UGT8: variants seen among roughly 807,000 people sequenced by gnomAD.
UGT8 encodes 2-hydroxyacylsphingosine 1-beta-galactosyltransferase.
UGT8 carries 12 observed loss-of-function variants against 40.5 expected under a neutral mutation model. The observed-to-expected ratio is 0.30, with a 90% CI of 0.19 to 0.48. The LOEUF (loss-of-function observed/expected upper bound fraction) is 0.48. Ranked by LOEUF, UGT8 falls within the 20% of genes least tolerant of loss-of-function variation. UGT8 has a pLI of 0.99. For missense variants in UGT8, 513 were observed against 648.7 expected, an observed-to-expected ratio of 0.79 and a Z score of 2.27; for synonymous variants, 224 against 240.4, an observed-to-expected ratio of 0.93 and a Z score of 0.63.
intron 2 of UGT8, among the ~76,000 whole-genome samples, chr4:114,660,098 A>G (rs867392848): frequency 6.6e-6 from 1 of 152,214 alleles, no homozygotes; most frequent in African/African-American, 2.4e-5. Context: ...CTGTAAAATT[A>G]TGAAAAGAAA....
intron 2 of UGT8, among the ~76,000 whole-genome samples, chr4:114,630,560 G>A (rs1222899909): frequency 6.6e-6 from 1 of 152,120 alleles, no homozygotes; most frequent in Non-Finnish European, 1.5e-5. Context: ...TAGAGATGTA[G>A]GAGGGATGTG....
At chr4:114,656,371 G>T (rs1476639659) in intron 2 of UGT8, among the ~76,000 whole-genome samples, 1 of 151,984 alleles carries the variant, frequency 6.6e-6, no homozygotes, top group Admixed American at 6.6e-5. Context: ...ACATAATTTA[G>T]TAGCTAAGCT....
At chr4:114,612,641 T>G (rs1172998370) in intron 1 of UGT8, among the ~76,000 whole-genome samples, 1 of 152,214 alleles carries the variant, frequency 6.6e-6, no homozygotes, top group Non-Finnish European at 1.5e-5. Flanking sequence ...GTTGATTTGC[T>G]TAACCATGTT....
At chr4:114,663,102 C>T (rs556341253) in intron 2 of UGT8, among the ~76,000 whole-genome samples, 1 of 151,926 alleles carries the variant, frequency 6.6e-6, no homozygotes, top group Non-Finnish European at 1.5e-5. Flanking sequence ...GGATTACAGG[C>T]GTGAGCCACC....
At chr4:114,616,163 G>C (rs188434201) in intron 1 of UGT8, among the ~76,000 whole-genome samples, 1 of 152,314 alleles carries the variant, frequency 6.6e-6, no homozygotes, top group Non-Finnish European at 1.5e-5. Flanking sequence ...AGAGGTTTCT[G>C]CTGCCTTTTT....
chr4:114,668,997 C>T (rs1467198209), intron 5 of UGT8, among the ~76,000 whole-genome samples: 1 of 152,140 alleles, frequency 6.6e-6, no homozygotes, highest in East Asian at 1.9e-4. Context: ...ATTTAATTTA[C>T]CTTGCATTTC....
intron 2 of UGT8, among the ~76,000 whole-genome samples, chr4:114,627,255 CT>C (rs199675716): frequency 0.093 from 11,835 of 126,696 alleles, 494 homozygotes; most frequent in African/African-American, 0.21. Context: ...TGAATAGATT[CT>C]TTTTTTTTTT....
chr4:114,643,728 C>T (rs1578439013), intron 2 of UGT8, among the ~76,000 whole-genome samples: 2 of 151,898 alleles, frequency 1.3e-5, no homozygotes, highest in South Asian at 4.2e-4. Flanking sequence ...AAGCATATTA[C>T]ATAAGAGTTA....
chr4:114,610,077 A>G (rs1235395223), intron 1 of UGT8, among the ~76,000 whole-genome samples: 1 of 152,190 alleles, frequency 6.6e-6, no homozygotes, highest in African/African-American at 2.4e-5. Context: ...TTCATGTATC[A>G]CAGAATTCAA....
intron 2 of UGT8, among the ~76,000 whole-genome samples, chr4:114,643,531 G>A (rs1010477928): frequency 4.6e-5 from 7 of 152,026 alleles, no homozygotes; most frequent in African/African-American, 1.4e-4. Flanking sequence ...ATAGCTTCAG[G>A]GCATTGTTTT....
chr4:114,668,153 G>C lies in UGT8; in HGVS notation c.1111G>C (p.Gly371Arg). 1 of 1,613,804 alleles carries C rather than the reference G, an allele frequency of 6.2e-7. No individual in the cohort carries two copies. Among genetic ancestry groups the C allele is most frequent in the Non-Finnish European group, 8.5e-7 (1 of 1,179,786 alleles). ...LNSIFETIYH[G>R]VPVVGIPLFG... ...CAGTATTTTTGAAACTATATATCAT[G>C]GTGTGCCTGTAGTGGGAATTCCACT... The change falls in exon 5 of 6, where the codon GGT (glycine) becomes CGT (arginine). Residue 371 changes from glycine (G) to arginine (R), a missense_variant. Gly to Arg is a moderately radical substitution (Grantham distance 125). Around this residue, in one of 3 missense-constraint regions of UGT8, gnomAD observed 335 missense variants for 444.8 expected, o/e 0.75. Coordinates refer to ENST00000310836, the MANE Select transcript of UGT8 (RefSeq NM_001128174.3).
At chr4:114,631,103 G>A (rs796286231) in intron 2 of UGT8, among the ~76,000 whole-genome samples, 3 of 152,036 alleles carry the variant, frequency 2.0e-5, no homozygotes, top group Non-Finnish European at 4.4e-5. Context: ...GTTCAGACTC[G>A]GCAACCAACC....
rs537226796 is a variant in UGT8, at chr4:114,650,631, G to T, written c.823-13364G>T. 7.2e-5 allele frequency among the ~76,000 whole-genome samples: 11 copies of T among 152,192 alleles called. 1 individual carries two copies. In the South Asian group the frequency reaches 2.3e-3, roughly 32 times the overall value. ...ACTACGATTTCCCATTCCTTAGAAA[G>T]AATTGTTTTCCTGGGGATGTTTCTG... is the stretch of plus-strand genomic sequence containing the variant. On this transcript the variant is annotated intron_variant, in intron 2 of 5. Coordinates refer to ENST00000310836, the MANE Select transcript of UGT8 (RefSeq NM_001128174.3).
rs781487110 is a variant in UGT8, at chr4:114,616,952, G to A, written c.-2-5927G>A. 5.3e-5 allele frequency among the ~76,000 whole-genome samples: 8 copies of A among 152,060 alleles called. No homozygotes were observed. In the South Asian group the frequency reaches 1.0e-3, roughly 20 times the overall value. On this transcript the variant is annotated intron_variant, in intron 1 of 5. Transcript: ENST00000310836. ...TAACTTGTTTTCTGGAGCTCTAAGGGTTTAAAACCTTTCCTTTGTGCTGTG... is the reference window on the plus strand; with the variant it reads ...TAACTTGTTTTCTGGAGCTCTAAGGATTTAAAACCTTTCCTTTGTGCTGTG...
At chr4:114,652,297 C>G (rs1733934988) in intron 2 of UGT8, among the ~76,000 whole-genome samples, 1 of 151,778 alleles carries the variant, frequency 6.6e-6, no homozygotes, top group South Asian at 2.1e-4. Context: ...GAATGTAGAA[C>G]CATGTAGTGT....
At chr4:114,664,494 C>G (rs1333050814) in intron 3 of UGT8, among the ~76,000 whole-genome samples, 2 of 152,248 alleles carry the variant, frequency 1.3e-5, no homozygotes, top group African/African-American at 4.8e-5. Context: ...TATACTCCTT[C>G]AAATCAGTTT....
intron 2 of UGT8, among the ~76,000 whole-genome samples, chr4:114,625,398 CT>C (rs1732141201): frequency 6.7e-6 from 1 of 150,282 alleles, no homozygotes; most frequent in Non-Finnish European, 1.5e-5. Context: ...ATAGTCCCAG[CT>C]ACTCAGGAGG....
chr4:114,616,551 G>A (rs1007329680), intron 1 of UGT8, among the ~76,000 whole-genome samples: 3 of 152,032 alleles, frequency 2.0e-5, no homozygotes, highest in African/African-American at 7.2e-5. Flanking sequence ...TGCTTCCCAG[G>A]TGAGGCGATG....
rs75515603 is a variant in UGT8, at chr4:114,625,142, C to G, written c.822+1440C>G. ...ATCATCTTTTCCGAGCTAGAACACTCCCCTTCTGCCAGCTCCCTTTGGTTT... is the reference window on the plus strand; with the variant it reads ...ATCATCTTTTCCGAGCTAGAACACTGCCCTTCTGCCAGCTCCCTTTGGTTT... On this transcript the variant is annotated intron_variant, in intron 2 of 5. Coordinates refer to ENST00000310836, the MANE Select transcript of UGT8 (RefSeq NM_001128174.3). 3.2e-3 allele frequency among the ~76,000 whole-genome samples: 485 copies of G among 152,232 alleles called. 6 individuals are homozygous for G. The highest frequency in any genetic ancestry group is 0.011 in the African/African-American group (454 of 41,530).
Sources: gnomAD v4.1 joint callset for allele counts (sites outside exome capture counted in the v4.1 genomes callset) on GRCh38, gnomAD v4.1.1 for gene constraint, gnomAD v4.1.1 regional missense constraint, MANE v1.5 for transcripts, NCBI Gene and HGNC (gene_info 2026-07-23, HGNC 2026-07-21) for gene names.